YTHDC1: variants seen among roughly 807,000 people sequenced by gnomAD.
The protein encoded by YTHDC1 is YTH domain-containing protein 1.
YTHDC1 carries 12 observed loss-of-function variants against 107.0 expected under a neutral mutation model. That is an observed-to-expected ratio of 0.11 (90% CI 0.07 to 0.18). YTHDC1 has a LOEUF of 0.18. Ranked by LOEUF, YTHDC1 falls within the 10% of genes least tolerant of loss-of-function variation. The pLI is 1.00. For missense variants in YTHDC1, 635 were observed against 898.8 expected, an observed-to-expected ratio of 0.71 and a Z score of 3.75; for synonymous variants, 280 against 289.5, an observed-to-expected ratio of 0.97 and a Z score of 0.33.
At chr4:68,340,840 G>C (rs932689515) in intron 1 of YTHDC1, among the ~76,000 whole-genome samples, 3 of 151,890 alleles carry the variant, frequency 2.0e-5, no homozygotes, top group African/African-American at 7.3e-5. Flanking sequence ...ATTTAATACA[G>C]AATGAAATAA....
At chr4:68,323,037 T>C (rs997439553) in intron 10 of YTHDC1, 122 bp from the exon 11 acceptor site, 1 of 881,624 alleles carries the variant, frequency 1.1e-6, no homozygotes, top group Non-Finnish European at 1.7e-6. Flanking sequence ...GATGATCATA[T>C]GGGATTCCAA....
intron 9 of YTHDC1, among the ~76,000 whole-genome samples, chr4:68,328,175 G>A (rs1723198899): frequency 1.3e-5 from 2 of 151,992 alleles, no homozygotes; most frequent in Admixed American, 1.3e-4. Context: ...AAAAATGAAG[G>A]TTAACAGAAC....
rs1181947632 is a variant in YTHDC1, at chr4:68,322,508, TG to T, written c.1601+240del. 1 of 485,972 alleles carries T rather than the reference TG, an allele frequency of 2.1e-6. No individual in the cohort carries two copies. The highest frequency in any genetic ancestry group is 3.6e-6 in the Non-Finnish European group (1 of 275,724). 30.1% of individuals were successfully genotyped at this position (485,972 alleles called of 1,614,324 possible). On this transcript the variant is annotated intron_variant, in intron 11 of 16. Transcript: ENST00000344157. This position sits in a 1 kb window ranked among gnomAD's most constrained non-coding sequence, Gnocchi z 4.8. ...TATCAGAGTATTATCTAATCTAAAC[TG>T]GTTATCACTGGTTATACTTTTTTCT... is the stretch of plus-strand genomic sequence containing the variant.
At position 68,312,468 on chromosome 4, in the gene YTHDC1, C is replaced by T. The variant is rs547029232; in HGVS notation, c.*1631G>A. ...AAGTGACTTACCATGTATCACTAAC[C>T]GGTTTAATTAAAGACAATGACAAAA... On this transcript the variant is annotated 3_prime_UTR_variant, in exon 17 of 17. Coordinates refer to ENST00000344157, the MANE Select transcript of YTHDC1 (RefSeq NM_001031732.4). The T allele has an allele frequency of 2.6e-5, 4 of 152,162 alleles. No individual in the cohort carries two copies. Among genetic ancestry groups the T allele is most frequent in the Non-Finnish European group, 4.4e-5 (3 of 68,026 alleles). 9.4% of individuals were successfully genotyped at this position (152,162 alleles called of 1,614,324 possible).
Position 68,345,772 on chromosome 4 carries a change from T to C in YTHDC1, c.28+3954A>G, listed in dbSNP as rs150625046. On this transcript the variant is annotated intron_variant, in intron 1 of 16. Coordinates refer to ENST00000344157, the MANE Select transcript of YTHDC1 (RefSeq NM_001031732.4). ...TAAGAAATTACTATAGTGAGGGCCA[T>C]AGTATATACACATAGTATATACAAA... 3.1e-3 allele frequency among the ~76,000 whole-genome samples: 475 copies of C among 152,218 alleles called. 2 individuals carry two copies. Among genetic ancestry groups the C allele is most frequent in the African/African-American group, 0.011 (448 of 41,552 alleles).
intron 12 of YTHDC1, among the ~76,000 whole-genome samples, chr4:68,319,533 C>T (rs1560474235): frequency 6.6e-6 from 1 of 152,136 alleles, no homozygotes; most frequent in Non-Finnish European, 1.5e-5. Context: ...CATAATAGTG[C>T]TATAATGATC....
At chr4:68,348,726 A>G (rs1317396012) in intron 1 of YTHDC1, among the ~76,000 whole-genome samples, 3 of 152,334 alleles carry the variant, frequency 2.0e-5, no homozygotes, top group East Asian at 3.9e-4. Flanking sequence ...TTGACTCTAG[A>G]GCCCACTTAA....
intron 11 of YTHDC1, among the ~76,000 whole-genome samples, chr4:68,321,526 T>C (rs1343119085): frequency 2.0e-5 from 3 of 152,198 alleles, no homozygotes; most frequent in African/African-American, 4.8e-5. Flanking sequence ...GTGTAATAAG[T>C]ATAGTTTGCA....
chr4:68,345,686 A>G (rs1227565990), intron 1 of YTHDC1, among the ~76,000 whole-genome samples: 1 of 152,158 alleles, frequency 6.6e-6, no homozygotes, highest in East Asian at 1.9e-4. Flanking sequence ...TGGAGTATCA[A>G]TATGTACTCT....
At chr4:68,341,933 G>A (rs1437342563) in intron 1 of YTHDC1, among the ~76,000 whole-genome samples, 1 of 152,122 alleles carries the variant, frequency 6.6e-6, no homozygotes, top group Admixed American at 6.5e-5. Context: ...TTTTCAACCT[G>A]TAAGAAGACT....
At chr4:68,341,856 T>A (rs914430085) in intron 1 of YTHDC1, among the ~76,000 whole-genome samples, 3 of 152,192 alleles carry the variant, frequency 2.0e-5, no homozygotes, top group Non-Finnish European at 4.4e-5. Flanking sequence ...TCACCTCTGA[T>A]AAGAGGCACT....
intron 1 of YTHDC1, among the ~76,000 whole-genome samples, chr4:68,345,513 C>G (rs896493874): frequency 6.6e-6 from 1 of 152,116 alleles, no homozygotes; most frequent in East Asian, 1.9e-4. Flanking sequence ...ACATTTAGAC[C>G]AGTTTCTCAG....
In YTHDC1 at chr4:68,343,696, C is replaced by T. The variant is rs185361300; in HGVS notation, c.29-5312G>A. ...GGATTACAGGCACCTGCCACCACGC[C>T]GAGCTAAATTTTTATATTTTTAGTA... On this transcript the variant is annotated intron_variant, in intron 1 of 16. Transcript: ENST00000344157. Among the ~76,000 whole-genome samples, 136 of 151,922 alleles carry T rather than the reference C, an allele frequency of 9.0e-4. 4 individuals carry two copies. The South Asian group carries it at 0.017, about 19-fold the overall frequency.
intron 4 of YTHDC1, among the ~76,000 whole-genome samples, chr4:68,335,926 T>A (rs1038064906): frequency 2.0e-5 from 3 of 150,630 alleles, no homozygotes; most frequent in Non-Finnish European, 4.4e-5. Context: ...CAGTTGCCAA[T>A]CACTAGAAAA....
intron 5 of YTHDC1, 123 bp downstream of exon 5, chr4:68,333,185 T>A (rs1723780896): frequency 1.4e-6 from 1 of 706,922 alleles, no homozygotes; most frequent in African/African-American, 1.8e-5. Context: ...ATTATTACAC[T>A]GAACATGCCA....
At chr4:68,330,594 A>T (rs1723467416) in intron 7 of YTHDC1, among the ~76,000 whole-genome samples, 1 of 152,128 alleles carries the variant, frequency 6.6e-6, no homozygotes, top group African/African-American at 2.4e-5. Flanking sequence ...ATATAGTAAA[A>T]CCAATCACTA....
rs757081126 is a variant in YTHDC1, at chr4:68,312,991, G to C, written c.*1108C>G. The C allele has an allele frequency of 6.6e-6, 1 of 152,150 alleles. No individual in the cohort carries two copies. The highest frequency in any genetic ancestry group is 1.9e-4 in the East Asian group (1 of 5,198). The allele number at this position is 152,150 out of a possible 1,614,324, so 9.4% of individuals were successfully genotyped here. Reference sequence around the variant, plus strand: ...GTTAAAAGTCCATTTATGAAGTAAAGTAGAAAGCATGTACAAAGTCGTTCA... The same window carrying C: ...GTTAAAAGTCCATTTATGAAGTAAACTAGAAAGCATGTACAAAGTCGTTCA... On this transcript the variant is annotated 3_prime_UTR_variant, in exon 17 of 17. Coordinates refer to ENST00000344157, the MANE Select transcript of YTHDC1 (RefSeq NM_001031732.4).
In YTHDC1 at chr4:68,325,220, GCA is replaced by G. The variant is rs372626863; in HGVS notation, c.1350-999_1350-998del. Among the ~76,000 whole-genome samples the G allele has an allele frequency of 3.1e-3, 474 of 152,132 alleles. 2 individuals are homozygous for G. The highest frequency in any genetic ancestry group is 0.011 in the African/African-American group (450 of 41,524). ...TTCCATAGCCATCGAAGAAAAATAAGCACACACAATTTTCAAAGACAATGGGT... is the reference window on the plus strand; with the variant it reads ...TTCCATAGCCATCGAAGAAAAATAAGCACACAATTTTCAAAGACAATGGGT... On this transcript the variant is annotated intron_variant, in intron 9 of 16. Transcript: ENST00000344157.
At chr4:68,317,241 G>C (rs1399309714) in intron 15 of YTHDC1, among the ~76,000 whole-genome samples, 1 of 152,018 alleles carries the variant, frequency 6.6e-6, no homozygotes, top group Non-Finnish European at 1.5e-5. Context: ...AAAAGTCCAG[G>C]AGCAAATTAA....
Sources: gnomAD v4.1 joint callset for allele counts (sites outside exome capture counted in the v4.1 genomes callset) on GRCh38, gnomAD v4.1.1 for gene constraint, Gnocchi (gnomAD v3.1) non-coding constraint, MANE v1.5 for transcripts, NCBI Gene and HGNC (gene_info 2026-07-23, HGNC 2026-07-21) for gene names.